SCML4: variants seen among roughly 807,000 people sequenced by gnomAD.
SCML4 encodes the protein Scm polycomb group protein like 4, also known as sex comb on midleg-like protein 4.
A neutral mutation model predicts 41.1 loss-of-function variants in SCML4; 34 were observed. The ratio of observed to expected loss-of-function variants is 0.83; its 90% CI spans 0.63 to 1.10. The LOEUF is 1.10. Ranked by LOEUF, SCML4 falls within the 50% of genes least tolerant of loss-of-function variation. The pLI is 0.00. For synonymous variants in SCML4, 214 were observed against 220.9 expected (o/e 0.97, Z 0.28); for missense variants, 522 against 534.1 (o/e 0.98, Z 0.22).
At position 107,802,693 on chromosome 6, in the gene SCML4, TCC is replaced by T. The variant is rs1783277992; in HGVS notation, c.-60+21431_-60+21432del. Among the ~76,000 whole-genome samples, 3 of 66,584 alleles carry T rather than the reference TCC, an allele frequency of 4.5e-5. No homozygotes were observed. In the South Asian group the frequency reaches 1.7e-3, roughly 37 times the overall value. 43.7% of individuals were successfully genotyped at this position (66,584 alleles called of 152,430 possible). ...TCCCTCCTCTCCCTCTCCCTCCCCC[TCC>T]TCTCCCTCTCCCTCCTCTCCCTCTC... On this transcript the variant is annotated intron_variant, in intron 1 of 7. Transcript: ENST00000369020.
chr6:107,833,688 C>T, the SCML4 span, among the ~76,000 whole-genome samples: 1 of 152,068 alleles, frequency 6.6e-6, no homozygotes, highest in Admixed American at 6.6e-5. Context: ...AAGGGCCCAG[C>T]TCAGAGTTAT....
chr6:107,796,234 T>G (rs1782700590), intron 1 of SCML4, among the ~76,000 whole-genome samples: 1 of 152,178 alleles, frequency 6.6e-6, no homozygotes, highest in Non-Finnish European at 1.5e-5. Context: ...ATGTTTAACT[T>G]TATAAAGAAC....
rs1777915865 is a variant in SCML4, at chr6:107,744,840, C to T, written c.682+109G>A. 6.5e-6 allele frequency: 6 copies of T among 923,480 alleles called. No individual in the cohort carries two copies. In the East Asian group the frequency reaches 1.6e-4, roughly 24 times the overall value. 57.2% of individuals were successfully genotyped at this position (923,480 alleles called of 1,614,324 possible). On this transcript the variant is annotated intron_variant, in intron 5 of 7. Transcript: ENST00000369020. Reference sequence around the variant, plus strand: ...CCCAGACAGGCAGCCCATGGGGCTCCAGTGGCAGAACTGCCAGGAGCTACA... The same window carrying T: ...CCCAGACAGGCAGCCCATGGGGCTCTAGTGGCAGAACTGCCAGGAGCTACA...
At chr6:107,838,731 G>A in the SCML4 span, among the ~76,000 whole-genome samples, 2 of 152,100 alleles carry the variant, frequency 1.3e-5, no homozygotes, top group South Asian at 2.1e-4. Flanking sequence ...TCCGGGGGAC[G>A]GTTTGGGGAT....
Position 107,798,080 on chromosome 6 carries a change from C to T in SCML4, c.-59-25694G>A, listed in dbSNP as rs186237846. On this transcript the variant is annotated intron_variant, in intron 1 of 7. Transcript: ENST00000369020. The stretch of plus-strand genomic sequence containing the variant: ...ATGAAGGATATTGGTTTACAATTTT[C>T]TTTTCTTATAGTATCCTTGTCAAGT... 7.3e-3 allele frequency among the ~76,000 whole-genome samples: 1,102 copies of T among 151,974 alleles called. 10 individuals are homozygous for T. Among genetic ancestry groups the T allele is most frequent in the Non-Finnish European group, 0.011 (752 of 67,808 alleles).
chr6:107,789,048 C>T (rs1381234947), intron 1 of SCML4, among the ~76,000 whole-genome samples: 3 of 152,220 alleles, frequency 2.0e-5, no homozygotes, highest in Admixed American at 6.5e-5. Context: ...CCACCAGGGA[C>T]ACTGTGGGCA....
chr6:107,838,479 T>C, the SCML4 span, among the ~76,000 whole-genome samples: 1 of 152,310 alleles, frequency 6.6e-6, no homozygotes, highest in East Asian at 1.9e-4. Context: ...CCTCCCCCAT[T>C]GTCCCCGAAG....
intron 1 of SCML4, among the ~76,000 whole-genome samples, chr6:107,819,999 ATCTCCTCCG>A (rs1323662438): frequency 1.3e-5 from 2 of 152,212 alleles, no homozygotes; most frequent in Non-Finnish European, 2.9e-5. Flanking sequence ...GAGGTGTTTT[ATCTCCTCCG>A]CGGCAGCAAA....
intron 1 of SCML4, among the ~76,000 whole-genome samples, chr6:107,776,659 A>G (rs1220751553): frequency 6.6e-6 from 1 of 152,192 alleles, no homozygotes; most frequent in Non-Finnish European, 1.5e-5. Context: ...CTGGAGGACA[A>G]TTTGAAAAGC....
rs1255757883 is a variant in SCML4 at position 107,778,206 on chromosome 6, AAAAAAAAAAAAAAAAAATATAT to A, written c.-59-5842_-59-5821del. Among the ~76,000 whole-genome samples the A allele has an allele frequency of 2.5e-4, 4 of 15,850 alleles. No homozygotes were observed. The East Asian group carries it at 8.3e-3, about 33-fold the overall frequency. 10.4% of individuals were successfully genotyped at this position (15,850 alleles called of 152,430 possible). ...AGCGAGACTCTATCTCAAAAAAAAA[AAAAAAAAAAAAAAAAAATATAT>A]ATATATATATATATATATATATATA... On this transcript the variant is annotated intron_variant, in intron 1 of 7. Transcript: ENST00000369020.
At chr6:107,751,627 T>TC in intron 2 of SCML4, among the ~76,000 whole-genome samples, 1 of 149,046 alleles carries the variant, frequency 6.7e-6, no homozygotes, top group East Asian at 2.0e-4. Context: ...TCTTTCTTTC[T>TC]TTCTTTCTTT....
intron 1 of SCML4, among the ~76,000 whole-genome samples, chr6:107,808,932 A>G (rs1036862900): frequency 2.0e-5 from 3 of 152,194 alleles, no homozygotes; most frequent in Non-Finnish European, 4.4e-5. Context: ...TCTATCTGAG[A>G]TTATTAAGCA....
rs1583487749 is a variant in SCML4, at chr6:107,751,619, T to TC, written c.157-1807_157-1806insG. Among the ~76,000 whole-genome samples the TC allele has an allele frequency of 2.7e-5, 4 of 148,256 alleles. No homozygotes were observed. In the East Asian group the frequency reaches 6.2e-4, roughly 23 times the overall value. ...CTTTCTTTCTTTCTTTCTTTCTTTC[T>TC]TTCTTTCTTTCTTTCTTTCTTTCTT... On this transcript the variant is annotated intron_variant, in intron 2 of 7. Coordinates refer to ENST00000369020, the MANE Select transcript of SCML4 (RefSeq NM_198081.5).
upstream of SCML4, among the ~76,000 whole-genome samples, chr6:107,829,188 C>T (rs1223569685): frequency 6.6e-6 from 1 of 151,778 alleles, no homozygotes; most frequent in Non-Finnish European, 1.5e-5. Flanking sequence ...AAGACCAGCC[C>T]GGGCAACATG....
At chr6:107,839,408 A>G in the SCML4 span, among the ~76,000 whole-genome samples, 6 of 146,026 alleles carry the variant, frequency 4.1e-5, no homozygotes, top group South Asian at 1.3e-3. Flanking sequence ...AAAGAAAGAA[A>G]GAGGAAGAAG....
At chr6:107,758,054 G>GA (rs955996326) in intron 2 of SCML4, among the ~76,000 whole-genome samples, 23 of 151,874 alleles carry the variant, frequency 1.5e-4, no homozygotes, top group African/African-American at 4.3e-4. Flanking sequence ...ATCTAAAAAG[G>GA]AAAAAAAATC....
chr6:107,804,094 C>G (rs1783535899), intron 1 of SCML4, among the ~76,000 whole-genome samples: 1 of 148,628 alleles, frequency 6.7e-6, no homozygotes, highest in African/African-American at 2.5e-5. Context: ...AGCATTGGCT[C>G]TTTTTCTGAG....
chr6:107,772,132 G>T, intron 2 of SCML4, 40 bp downstream of exon 2: 1 of 1,522,028 alleles, frequency 6.6e-7, no homozygotes, highest in Non-Finnish European at 8.8e-7. Context: ...CCGTGCCCCA[G>T]CCCAATACCA....
chr6:107,740,300 A>C, intron 5 of SCML4: 1 of 389,918 alleles, frequency 2.6e-6, no homozygotes, highest in Non-Finnish European at 5.2e-6. Context: ...TTTTACACCA[A>C]CAGATGACCA....
Sources: allele counts gnomAD v4.1 joint callset (sites outside exome capture counted in the v4.1 genomes callset), GRCh38; gene constraint gnomAD v4.1.1; transcripts MANE v1.5; gene names NCBI Gene and HGNC (gene_info 2026-07-23, HGNC 2026-07-21).